The following PCDHGA4 variants were observed in gnomAD, a reference collection of about 807,000 sequenced individuals.
PCDHGA4 encodes protocadherin gamma-A4.
Under a neutral mutation model 54.6 loss-of-function variants are expected in PCDHGA4, and 38 were observed. The observed-to-expected ratio is 0.70, with a 90% confidence interval of 0.54 to 0.91. The LOEUF (loss-of-function observed/expected upper bound fraction) is 0.91, where lower values mean the gene tolerates loss of function less well. Ranked by LOEUF, PCDHGA4 falls within the 40% of genes least tolerant of loss-of-function variation. The pLI is 0.00. For missense variants in PCDHGA4, 1,298 were observed against 1,220.9 expected, an observed-to-expected ratio of 1.06 and a Z score of -0.94; for synonymous variants, 511 against 512.9, an observed-to-expected ratio of 1.00 and a Z score of 0.05.
At chr5:141,479,003 C>A (rs2099485569) in intron 1 of PCDHGA4, among the ~76,000 whole-genome samples, 1 of 152,176 alleles carries the variant, frequency 6.6e-6, no homozygotes, top group African/African-American at 2.4e-5. Flanking sequence ...AAACTAATAG[C>A]TTTTTGATAA....
intron 1 of PCDHGA4, chr5:141,367,435 G>A (rs578251021): frequency 6.6e-6 from 1 of 152,322 alleles, no homozygotes; most frequent in African/African-American, 2.4e-5. Flanking sequence ...TACTCGGAAG[G>A]CTGAGGCAGG....
chr5:141,471,631 G>A (rs573080972), intron 1 of PCDHGA4: 7 of 152,188 alleles, frequency 4.6e-5, no homozygotes, highest in African/African-American at 9.6e-5. Flanking sequence ...CATTGGTATG[G>A]ATTAGTAATA....
chr5:141,360,006 A>G lies in PCDHGA4; in HGVS notation c.2514+2385A>G, dbSNP rs551893441. On this transcript the variant is annotated intron_variant, in intron 1 of 3. Transcript: ENST00000571252. ...AGAGGGGAACTTCCTGCACAAACCA[A>G]CCACACAGAGAAGGCCAGTATAGAT... 5.9e-5 allele frequency: 71 copies of G among 1,203,596 alleles called. No homozygotes were observed. The Middle Eastern group carries it at 1.4e-3, about 25-fold the overall frequency. 74.6% of individuals were successfully genotyped at this position (1,203,596 alleles called of 1,614,324 possible). A position where few individuals can be genotyped will look rare whatever the true frequency, so the allele number is the denominator to read the frequency against.
At chr5:141,392,867 G>C in intron 1 of PCDHGA4, 6 of 1,612,942 alleles carry the variant, frequency 3.7e-6, no homozygotes, top group Non-Finnish European at 5.1e-6. Flanking sequence ...TGCTGTGCGC[G>C]CTGCTGGGAA....
chr5:141,505,589 C>T, intron 3 of PCDHGA4, 108 bp downstream of exon 3: 1 of 1,573,272 alleles, frequency 6.4e-7, no homozygotes, highest in Non-Finnish European at 8.6e-7. Context: ...GTAGTTTCTC[C>T]AGATCTTTCG....
chr5:141,398,576 C>T (rs1257000620), intron 1 of PCDHGA4: 4 of 1,613,968 alleles, frequency 2.5e-6, no homozygotes, highest in Non-Finnish European at 1.7e-6. Flanking sequence ...CAGCCTGGCA[C>T]AAGATTTATA....
chr5:141,444,265 A>G (rs1355824197), intron 1 of PCDHGA4, among the ~76,000 whole-genome samples: 3 of 133,712 alleles, frequency 2.2e-5, no homozygotes, highest in Non-Finnish European at 3.1e-5. Flanking sequence ...TCCGCCTCCC[A>G]GGTTCAAGTG....
chr5:141,500,207 T>G (rs932015076), intron 2 of PCDHGA4, among the ~76,000 whole-genome samples: 2 of 150,136 alleles, frequency 1.3e-5, no homozygotes, highest in African/African-American at 4.9e-5. Context: ...TTTATTTATT[T>G]ATTTATTTAT....
At position 141,432,003 on chromosome 5, in the gene PCDHGA4, T is replaced by A; in HGVS notation, c.2515-62804T>A. On this transcript the variant is annotated intron_variant, in intron 1 of 3. Coordinates refer to ENST00000571252, the MANE Select transcript of PCDHGA4 (RefSeq NM_018917.4). This position sits in a 1 kb window ranked among gnomAD's most constrained non-coding sequence, Gnocchi z 6.0. ...GACATAGTCTTGGATAGGGAACAGG[T>A]TCCTAGCTACAACATCACAGTGACC... The A allele has an allele frequency of 6.2e-7, 1 of 1,614,116 alleles. No individual in the cohort carries two copies.
Position 141,485,844 on chromosome 5 carries a change from G to A in PCDHGA4, c.2515-8963G>A, listed in dbSNP as rs201857404. On this transcript the variant is annotated intron_variant, in intron 1 of 3. Transcript: ENST00000571252. The surrounding 1 kb of genome is among the most constrained non-coding windows in gnomAD (Gnocchi z 5.7). ...GATGGAGGGAACCCGCCGAGATCTGGCACCGCAGAGCTCCGGGTATCCGTG... is the reference window on the plus strand; with the variant it reads ...GATGGAGGGAACCCGCCGAGATCTGACACCGCAGAGCTCCGGGTATCCGTG... 6 of 1,613,890 alleles carry A rather than the reference G, an allele frequency of 3.7e-6. No homozygotes were observed. In the East Asian group the frequency reaches 1.1e-4, roughly 30 times the overall value.
In PCDHGA4 at chr5:141,415,645, A is replaced by T. The variant is rs200555070; in HGVS notation, c.2514+58024A>T. On this transcript the variant is annotated intron_variant, in intron 1 of 3. Transcript: ENST00000571252. The stretch of plus-strand genomic sequence containing the variant: ...TATTTTCATTTTTACTTTTGTTAAA[A>T]AAAAAAAGATTGGTTTTTACTTTGA... The T allele has an allele frequency of 3.5e-3, 5,682 of 1,600,720 alleles. 22 individuals carry two copies. The highest frequency in any genetic ancestry group is 5.0e-3 in the Middle Eastern group (30 of 6,044).
At chr5:141,360,895 G>T in intron 1 of PCDHGA4, 3 of 1,614,046 alleles carry the variant, frequency 1.9e-6, no homozygotes, top group Non-Finnish European at 2.5e-6. Context: ...CCTGAGGGAG[G>T]ACGTGCCGCC....
At chr5:141,434,784 A>T (rs967716221) in intron 1 of PCDHGA4, among the ~76,000 whole-genome samples, 11 of 150,278 alleles carry the variant, frequency 7.3e-5, no homozygotes, top group East Asian at 5.8e-4. Flanking sequence ...AAAAAAAAAA[A>T]TTTTTTTTTC....
rs1207950942 is a variant in PCDHGA4 at position 141,357,174 on chromosome 5, C to T, written c.2067C>T (p.Val689=). ...DHGQPPLSAT[V]TLTVAVADSI... ...GCCAGCCCCCTCTCTCGGCCACCGT[C>T]ACACTCACTGTGGCTGTGGCCGACA... Residue 689 remains valine (V), a synonymous_variant, in exon 1 of 4, where the codon GTC becomes GTT. Coordinates refer to ENST00000571252, the MANE Select transcript of PCDHGA4 (RefSeq NM_018917.4). 1 of 1,613,676 alleles carries T rather than the reference C, an allele frequency of 6.2e-7. No individual in the cohort carries two copies. The highest frequency in any genetic ancestry group is 8.5e-7 in the Non-Finnish European group (1 of 1,179,902).
At chr5:141,369,244 TTAAA>T (rs1159204045) in intron 1 of PCDHGA4, among the ~76,000 whole-genome samples, 2 of 152,116 alleles carry the variant, frequency 1.3e-5, no homozygotes, top group Admixed American at 1.3e-4. Flanking sequence ...ACTTATATAA[TTAAA>T]TAATATAATT....
At chr5:141,414,899 G>C (rs756810046) in intron 1 of PCDHGA4, 4 of 1,614,182 alleles carry the variant, frequency 2.5e-6, no homozygotes, top group Non-Finnish European at 3.4e-6. Context: ...CCCACAGACG[G>C]TTCCACAGGC....
chr5:141,366,705 T>C, intron 1 of PCDHGA4: 2 of 1,614,234 alleles, frequency 1.2e-6, no homozygotes, highest in East Asian at 2.2e-5. Context: ...GAGCCTCTTC[T>C]GATGTCTGAT....
At chr5:141,385,539 T>C in intron 1 of PCDHGA4, 1 of 1,340,130 alleles carries the variant, frequency 7.5e-7, no homozygotes, top group East Asian at 2.8e-5. Flanking sequence ...TATGAATATG[T>C]GGACTATCAC....
At chr5:141,364,886 A>G (rs1181797677) in intron 1 of PCDHGA4, 2 of 1,614,024 alleles carry the variant, frequency 1.2e-6, no homozygotes. Context: ...GGTAAGCGGA[A>G]CTGATGGACA....
Sources: allele counts gnomAD v4.1 joint callset (sites outside exome capture counted in the v4.1 genomes callset), GRCh38; gene constraint gnomAD v4.1.1; non-coding constraint Gnocchi (gnomAD v3.1); transcripts MANE v1.5; gene names NCBI Gene and HGNC (gene_info 2026-07-23, HGNC 2026-07-21).